The following SDK1 variants were observed in gnomAD, a reference collection of about 807,000 sequenced individuals.
The protein encoded by SDK1 is sidekick cell adhesion molecule 1, also known as protein sidekick-1.
A neutral mutation model predicts 245.5 loss-of-function variants in SDK1; 157 were observed. The observed-to-expected ratio is 0.64, with a 90% CI of 0.56 to 0.73. SDK1 has a LOEUF of 0.73. Ranked by LOEUF, SDK1 falls within the 30% of genes least tolerant of loss-of-function variation. The pLI is 0.00. For synonymous variants in SDK1, 1,647 were observed against 1,278.5 expected (o/e 1.29, Z -6.15); for missense variants, 3,583 against 3,002.3 (o/e 1.19, Z -4.52).
chr7:3,576,922 C>G (rs915183563), intron 1 of SDK1, among the ~76,000 whole-genome samples: 1 of 152,054 alleles, frequency 6.6e-6, no homozygotes, highest in Admixed American at 6.5e-5. Context: ...TTCCTCATAG[C>G]TGGTCGGGCA....
At chr7:3,562,621 T>C (rs2128626621) in intron 1 of SDK1, among the ~76,000 whole-genome samples, 2 of 152,190 alleles carry the variant, frequency 1.3e-5, no homozygotes, top group Non-Finnish European at 2.9e-5. Context: ...AGGAAACTGG[T>C]TTTTAAAACT....
At chr7:3,745,345 T>C (rs757966222) in intron 4 of SDK1, among the ~76,000 whole-genome samples, 1 of 152,196 alleles carries the variant, frequency 6.6e-6, no homozygotes, top group Non-Finnish European at 1.5e-5. Flanking sequence ...TATTTTGAAA[T>C]GTAGACTCAC....
At chr7:4,175,652 C>T (rs1782153881) in intron 33 of SDK1, 123 bp from the exon 34 acceptor site, 3 of 817,950 alleles carry the variant, frequency 3.7e-6, no homozygotes, top group Non-Finnish European at 6.4e-6. Flanking sequence ...CCCCGGGAGG[C>T]GCAGCGTGGG....
chr7:3,957,760 G>A (rs1417533253), intron 7 of SDK1, among the ~76,000 whole-genome samples: 3 of 152,236 alleles, frequency 2.0e-5, no homozygotes, highest in Non-Finnish European at 4.4e-5. Flanking sequence ...GTGCAATGAA[G>A]ATGAGCTTGA....
chr7:3,651,024 T>C (rs1460991797), intron 4 of SDK1, among the ~76,000 whole-genome samples: 1 of 152,180 alleles, frequency 6.6e-6, no homozygotes, highest in African/African-American at 2.4e-5. Flanking sequence ...ATAAACATTC[T>C]TGTTCCTTTT....
At chr7:3,345,031 G>T (rs188065326) in intron 1 of SDK1, among the ~76,000 whole-genome samples, 5 of 152,326 alleles carry the variant, frequency 3.3e-5, no homozygotes, top group African/African-American at 9.6e-5. Flanking sequence ...CTTTATTACA[G>T]ATTTTAAAAC....
intron 1 of SDK1, among the ~76,000 whole-genome samples, chr7:3,314,021 C>T (rs1249031679): frequency 6.6e-6 from 1 of 152,118 alleles, no homozygotes; most frequent in Non-Finnish European, 1.5e-5. Context: ...ATAACAGTTG[C>T]TTCCTTCAGA....
intron 30 of SDK1, among the ~76,000 whole-genome samples, chr7:4,152,303 G>A (rs768274581): frequency 2.0e-5 from 3 of 152,220 alleles, no homozygotes; most frequent in Non-Finnish European, 4.4e-5. Context: ...GGCACTCCTA[G>A]TGGCAGATAC....
At chr7:3,775,357 A>G (rs567543081) in intron 4 of SDK1, among the ~76,000 whole-genome samples, 2 of 152,028 alleles carry the variant, frequency 1.3e-5, no homozygotes, top group South Asian at 4.2e-4. Flanking sequence ...AATACTTTAC[A>G]TTTTACCTGT....
intron 1 of SDK1, among the ~76,000 whole-genome samples, chr7:3,491,641 T>C (rs909901885): frequency 2.0e-5 from 3 of 152,254 alleles, no homozygotes; most frequent in African/African-American, 7.2e-5. Flanking sequence ...TCCTGAAGTC[T>C]TCTTGCAGTT....
rs192237195 is a variant in SDK1, at chr7:3,777,202, G to A, written c.714-44248G>A. ...AAGACTCTTGAGACGTAAAATGTAT[G>A]CTCTAACTGCAGACCTGTGCAGAAC... On this transcript the variant is annotated intron_variant, in intron 4 of 44. Transcript: ENST00000404826. 3.9e-5 allele frequency among the ~76,000 whole-genome samples: 6 copies of A among 152,304 alleles called. No homozygotes were observed. The East Asian group carries it at 1.2e-3, about 29-fold the overall frequency.
chr7:4,008,441 C>T (rs1448123767), intron 14 of SDK1, among the ~76,000 whole-genome samples: 1 of 152,248 alleles, frequency 6.6e-6, no homozygotes, highest in Non-Finnish European at 1.5e-5. Context: ...CAAAGGGGCA[C>T]GAGAGCCTTT....
intron 4 of SDK1, among the ~76,000 whole-genome samples, chr7:3,698,881 G>A (rs889409190): frequency 2.0e-5 from 3 of 152,154 alleles, no homozygotes; most frequent in Admixed American, 6.5e-5. Flanking sequence ...CATCTCATTA[G>A]AGTTTAAGGC....
intron 32 of SDK1, among the ~76,000 whole-genome samples, chr7:4,167,446 A>G (rs1167766345): frequency 6.6e-6 from 1 of 152,182 alleles, no homozygotes; most frequent in Non-Finnish European, 1.5e-5. Flanking sequence ...CGGGCTTTTG[A>G]AAAATGAAGA....
intron 1 of SDK1, among the ~76,000 whole-genome samples, chr7:3,336,523 C>T (rs1385345090): frequency 6.6e-6 from 1 of 152,160 alleles, no homozygotes; most frequent in African/African-American, 2.4e-5. Flanking sequence ...CCCCATCATC[C>T]CCTGGTGGGG....
intron 1 of SDK1, among the ~76,000 whole-genome samples, chr7:3,609,359 C>G (rs1365838184): frequency 1.3e-5 from 2 of 152,102 alleles, no homozygotes; most frequent in Non-Finnish European, 2.9e-5. Flanking sequence ...AGTAGATTGT[C>G]CAAGATCACA....
Position 3,855,693 on chromosome 7 carries a change from G to T in SDK1, c.847+34110G>T, listed in dbSNP as rs527853168. Reference sequence around the variant, plus strand: ...AAGCCCTAGGCAATTTTCCATAGCTGCAGAAAGGCAAAGAGGCCATTAGGT... The same window carrying T: ...AAGCCCTAGGCAATTTTCCATAGCTTCAGAAAGGCAAAGAGGCCATTAGGT... On this transcript the variant is annotated intron_variant, in intron 5 of 44. Transcript: ENST00000404826. Among the ~76,000 whole-genome samples, 14 of 152,332 alleles carry T rather than the reference G, an allele frequency of 9.2e-5. No individual in the cohort carries two copies. The East Asian group carries it at 2.5e-3, about 27-fold the overall frequency.
At chr7:4,214,036 A>C (rs1010856172) in intron 38 of SDK1, among the ~76,000 whole-genome samples, 5 of 152,160 alleles carry the variant, frequency 3.3e-5, no homozygotes, top group African/African-American at 1.2e-4. Context: ...GAACGGCTCT[A>C]CCTTGTGGCT....
At chr7:4,180,824 G>C (rs570119830) in intron 35 of SDK1, among the ~76,000 whole-genome samples, 1 of 152,188 alleles carries the variant, frequency 6.6e-6, no homozygotes, top group Admixed American at 6.5e-5. Flanking sequence ...GATCTCATGA[G>C]AACTAAGCCA....
Sources: allele counts gnomAD v4.1 joint callset (sites outside exome capture counted in the v4.1 genomes callset), GRCh38; gene constraint gnomAD v4.1.1; transcripts MANE v1.5; gene names NCBI Gene and HGNC (gene_info 2026-07-23, HGNC 2026-07-21).